Variants in EMC8 observed in about 807,000 individuals in gnomAD.
EMC8 encodes the protein ER membrane protein complex subunit 8.
Under a neutral mutation model 24.3 loss-of-function variants are expected in EMC8, and 11 were observed. The observed-to-expected ratio is 0.45, with a 90% CI of 0.28 to 0.75. The LOEUF (loss-of-function observed/expected upper bound fraction) is 0.75. Among genes scored for constraint, EMC8 ranks in the 30% least tolerant of loss-of-function variants. The pLI is 0.12. For synonymous variants in EMC8, 145 were observed against 117.7 expected (o/e 1.23, Z -1.50); for missense variants, 277 against 282.7 (o/e 0.98, Z 0.14).
chr16:85,788,952 A>G, intron 2 of EMC8, 22 bp downstream of exon 2: 1 of 1,581,882 alleles, frequency 6.3e-7, no homozygotes, highest in Admixed American at 1.7e-5. Context: ...CCTCGCCCAC[A>G]GAGGGTTCTG....
rs1277521946 is a variant in EMC8, at chr16:85,779,349, T to TA, written c.*358dup. Reference sequence around the variant, plus strand: ...AGATGTGGGCTTTTTTTTTTTTTTTTAAAAAAAGATAGTTCAAAAGCCTTA... The same window carrying TA: ...AGATGTGGGCTTTTTTTTTTTTTTTTAAAAAAAAGATAGTTCAAAAGCCTTA... On this transcript the variant is annotated 3_prime_UTR_variant, in exon 5 of 5. Transcript: ENST00000253457. 4,192 of 132,454 alleles carry TA rather than the reference T, an allele frequency of 0.032. 188 individuals are homozygous for TA. The highest frequency in any genetic ancestry group is 0.11 in the African/African-American group (4,021 of 35,460). 8.2% of individuals were successfully genotyped at this position (132,454 alleles called of 1,614,324 possible). A position where few individuals can be genotyped will look rare whatever the true frequency, so the allele number is the denominator to read the frequency against.
At chr16:85,795,453 AGGT>A (rs1597209547) in intron 1 of EMC8, among the ~76,000 whole-genome samples, 1 of 152,168 alleles carries the variant, frequency 6.6e-6, no homozygotes, top group East Asian at 1.9e-4. Context: ...ATAGAATGCC[AGGT>A]GCGTGAGCCT....
intron 1 of EMC8, 143 bp downstream of exon 1, chr16:85,798,922 G>C: frequency 1.7e-6 from 1 of 600,922 alleles, no homozygotes; most frequent in Non-Finnish European, 2.9e-6. Context: ...CGCCATCGTG[G>C]ATCACCCCAT....
At chr16:85,787,388 C>T (rs1462973730) in intron 2 of EMC8, among the ~76,000 whole-genome samples, 3 of 152,220 alleles carry the variant, frequency 2.0e-5, no homozygotes, top group Non-Finnish European at 4.4e-5. Flanking sequence ...CTGCAGGGGC[C>T]GCTGTCCTGC....
intron 1 of EMC8, among the ~76,000 whole-genome samples, chr16:85,795,892 C>G (rs1340394251): frequency 6.6e-6 from 1 of 152,174 alleles, no homozygotes; most frequent in Non-Finnish European, 1.5e-5. Context: ...AGTGTCAGAA[C>G]AGAATGCGGA....
chr16:85,792,277 T>C lies in EMC8; in HGVS notation c.232-3227A>G, dbSNP rs540570550. ...AGAAAACTCCAAGGGCCCAACCAAA[T>C]TCCAGCAGAAAAATGTCATGACCTG... On this transcript the variant is annotated intron_variant, in intron 1 of 4. Coordinates refer to ENST00000253457, the MANE Select transcript of EMC8 (RefSeq NM_006067.5). 18 of 152,286 alleles carry C rather than the reference T, an allele frequency of 1.2e-4. No homozygotes were observed. In the Middle Eastern group the frequency reaches 0.014, roughly 115 times the overall value. The allele number at this position is 152,286 out of a possible 1,614,324, so 9.4% of individuals were successfully genotyped here.
chr16:85,795,719 A>G (rs1436407969), intron 1 of EMC8, among the ~76,000 whole-genome samples: 1 of 152,168 alleles, frequency 6.6e-6, no homozygotes, highest in Non-Finnish European at 1.5e-5. Context: ...ACCCATAAAC[A>G]TAAGGTTTTC....
chr16:85,797,703 T>C (rs1040031101), intron 1 of EMC8, among the ~76,000 whole-genome samples: 5 of 152,210 alleles, frequency 3.3e-5, no homozygotes, highest in African/African-American at 7.2e-5. Flanking sequence ...AAATGGTAGA[T>C]TATGAAATGG....
chr16:85,798,730 G>C, intron 1 of EMC8: 1 of 290,036 alleles, frequency 3.4e-6, no homozygotes. Flanking sequence ...CCTGCAACTC[G>C]AAATCCTCAA....
intron 2 of EMC8, chr16:85,784,813 G>C (rs906870764): frequency 6.6e-6 from 1 of 152,178 alleles, no homozygotes; most frequent in East Asian, 1.9e-4. Context: ...GCCATGAAGA[G>C]CTTGCAAAGC....
intron 2 of EMC8, among the ~76,000 whole-genome samples, chr16:85,786,742 C>G (rs1904771951): frequency 6.6e-6 from 1 of 152,080 alleles, no homozygotes; most frequent in Non-Finnish European, 1.5e-5. Context: ...GGAGGACATT[C>G]TAGAAGGAAG....
At position 85,799,361 on chromosome 16, in the gene EMC8, G is replaced by T; in HGVS notation, c.-66C>A. ...TGAGGCCTGGACCCGCTGCCTGGCC[G>T]CGCGGCGCCTCAGCCGAGAAGCGGG... is the stretch of plus-strand genomic sequence containing the variant. On this transcript the variant is annotated 5_prime_UTR_variant, in exon 1 of 5. Coordinates refer to ENST00000253457, the MANE Select transcript of EMC8 (RefSeq NM_006067.5). This position sits in a 1 kb window ranked among gnomAD's most constrained non-coding sequence, Gnocchi z 4.2. 1 of 1,033,244 alleles carries T rather than the reference G, an allele frequency of 9.7e-7. No homozygotes were observed. Among genetic ancestry groups the T allele is most frequent in the South Asian group, 1.8e-5 (1 of 55,966 alleles). The allele number at this position is 1,033,244 out of a possible 1,614,324, so 64.0% of individuals were successfully genotyped here.
At chr16:85,790,927 A>C (rs1043630589) in intron 1 of EMC8, among the ~76,000 whole-genome samples, 1 of 152,130 alleles carries the variant, frequency 6.6e-6, no homozygotes, top group African/African-American at 2.4e-5. Flanking sequence ...CCTGGGCTCA[A>C]GTGATCCTCC....
chr16:85,794,318 A>G (rs1282527583), intron 1 of EMC8, among the ~76,000 whole-genome samples: 1 of 152,208 alleles, frequency 6.6e-6, no homozygotes, highest in East Asian at 1.9e-4. Flanking sequence ...CTTTCCTCTG[A>G]AAGTTATTTC....
At chr16:85,796,989 C>G (rs966870812) in intron 1 of EMC8, among the ~76,000 whole-genome samples, 4 of 151,922 alleles carry the variant, frequency 2.6e-5, no homozygotes, top group Admixed American at 2.0e-4. Flanking sequence ...TGGCACAAAG[C>G]AGATACTCAA....
chr16:85,782,310 G>A (rs1319734425), intron 2 of EMC8, among the ~76,000 whole-genome samples: 3 of 152,178 alleles, frequency 2.0e-5, no homozygotes, highest in African/African-American at 7.2e-5. Context: ...CTCCACTGCT[G>A]GCTCTGGCCC....
Position 85,780,314 on chromosome 16 carries a change from A to G in EMC8, c.473+65T>C. On this transcript the variant is annotated intron_variant, in intron 4 of 4. Coordinates refer to ENST00000253457, the MANE Select transcript of EMC8 (RefSeq NM_006067.5). Reference sequence around the variant, plus strand: ...TAACTGAAAACACAGGCGGGGTGAGAGTGGCTCTCACGTGGCCGGGCGCTG... The same window carrying G: ...TAACTGAAAACACAGGCGGGGTGAGGGTGGCTCTCACGTGGCCGGGCGCTG... 10 of 1,146,712 alleles carry G rather than the reference A, an allele frequency of 8.7e-6. No individual in the cohort carries two copies. The South Asian group carries it at 1.2e-4, about 14-fold the overall frequency. The allele number at this position is 1,146,712 out of a possible 1,614,324, so 71.0% of individuals were successfully genotyped here.
chr16:85,784,696 A>ATGTGGTGGTGTGGCTGT (rs1904671166), intron 2 of EMC8: 1 of 152,124 alleles, frequency 6.6e-6, no homozygotes, highest in African/African-American at 2.4e-5. Flanking sequence ...ACTAACGGCA[A>ATGTGGTGGTGTGGCTGT]GTGGTGAAGA....
intron 2 of EMC8, 66 bp downstream of exon 2, chr16:85,788,908 C>G (rs934513206): frequency 3.1e-5 from 36 of 1,169,246 alleles, no homozygotes; most frequent in Non-Finnish European, 4.1e-5. Context: ...GAAAAGCACA[C>G]GAGAGACGGG....
Sources: gnomAD v4.1 joint callset for allele counts (sites outside exome capture counted in the v4.1 genomes callset) on GRCh38, gnomAD v4.1.1 for gene constraint, Gnocchi (gnomAD v3.1) non-coding constraint, MANE v1.5 for transcripts, NCBI Gene and HGNC (gene_info 2026-07-23, HGNC 2026-07-21) for gene names.